Variants in COL9A2 observed in about 807,000 individuals in gnomAD.
COL9A2 encodes the protein collagen type IX alpha 2 chain.
A neutral mutation model predicts 111.6 loss-of-function variants in COL9A2; 66 were observed. The observed-to-expected ratio is 0.59, with a 90% CI of 0.48 to 0.73. The LOEUF (loss-of-function observed/expected upper bound fraction) is 0.73. COL9A2 is among the 30% of genes least tolerant of loss of function. The pLI is 0.00. For synonymous variants in COL9A2, 353 were observed against 364.1 expected (o/e 0.97, Z 0.35); for missense variants, 881 against 954.1 (o/e 0.92, Z 1.01).
Position 40,301,378 on chromosome 1 carries a change from A to G in COL9A2, c.1874T>C (p.Leu625Pro). 6.2e-7 allele frequency: 1 copy of G among 1,607,816 alleles called. No homozygotes were observed. The highest frequency in any genetic ancestry group is 8.5e-7 in the Non-Finnish European group (1 of 1,176,250). ...GMPGPPGIPG[L>P]PGRPGQAING... ...GATTGCCTGGCCAGGCCGGCCAGGG[A>G]GTCCTGTGAACAGGAGAAAGTCAAG... Residue 625 changes from leucine to proline, a missense_variant, in exon 32 of 32, where the codon CTC (leucine) becomes CCC (proline). Transcript: ENST00000372748.
rs1225804636 is a variant in COL9A2, at chr1:40,301,287, T to C, written c.1965A>G (p.Pro655=). The change falls in exon 32 of 32, where the codon CCA becomes CCG. Residue 655 remains proline, a synonymous_variant. Transcript: ENST00000372748. ...AGAAGCCCGGCAGCCCCACGGGGCC[T>C]GGCAGGCCAGGTCGACCTGCCTCTC... The part of the protein sequence containing the change: ...APGEAGRPGL[P]GPVGLPGFCE... 3 of 1,613,322 alleles carry C rather than the reference T, an allele frequency of 1.9e-6. No individual in the cohort carries two copies. Among genetic ancestry groups the C allele is most frequent in the East Asian group, 4.5e-5 (2 of 44,860 alleles).
In COL9A2 at chr1:40,311,862, A is replaced by G; in HGVS notation, c.418-147T>C. 9.6e-7 allele frequency: 1 copy of G among 1,046,028 alleles called. No homozygotes were observed. Among genetic ancestry groups the G allele is most frequent in the Non-Finnish European group, 1.5e-6 (1 of 681,238 alleles). 64.8% of individuals were successfully genotyped at this position (1,046,028 alleles called of 1,614,324 possible). A position where few individuals can be genotyped will look rare whatever the true frequency, so the allele number is the denominator to read the frequency against. On this transcript the variant is annotated intron_variant, in intron 8 of 31. Transcript: ENST00000372748. This position sits in a 1 kb window ranked among gnomAD's most constrained non-coding sequence, Gnocchi z 5.1. ...CACCATCTTGGGAGATGAAGGCCTG[A>G]TTGACAGGGGATGGGGCCAGCGGCG...
chr1:40,306,532 C>T (rs1392323717), intron 19 of COL9A2, among the ~76,000 whole-genome samples: 3 of 152,232 alleles, frequency 2.0e-5, no homozygotes, highest in African/African-American at 7.2e-5. Context: ...GGAGGGCAGG[C>T]TCCCATGGAC....
At chr1:40,304,176 C>G in intron 24 of COL9A2, 77 bp from the exon 25 acceptor site, 1 of 1,516,152 alleles carries the variant, frequency 6.6e-7, no homozygotes, top group Non-Finnish European at 8.8e-7. Flanking sequence ...CGGCCACACC[C>G]CTCTTTCCAA....
chr1:40,301,104 G>T lies in COL9A2; in HGVS notation c.*78C>A. ...TGGGGGAGATGGTTTCCTGGACTGGGGATGGGTGCATGTCCACCCAGAGGG... is the reference window on the plus strand; with the variant it reads ...TGGGGGAGATGGTTTCCTGGACTGGTGATGGGTGCATGTCCACCCAGAGGG... On this transcript the variant is annotated 3_prime_UTR_variant, in exon 32 of 32. Coordinates refer to ENST00000372748, the MANE Select transcript of COL9A2 (RefSeq NM_001852.4). 6.9e-7 allele frequency: 1 copy of T among 1,446,846 alleles called. No individual in the cohort carries two copies. The allele number at this position is 1,446,846 out of a possible 1,614,324, so 89.6% of individuals were successfully genotyped here.
At chr1:40,304,764 C>G (rs569866298) in intron 22 of COL9A2, 30 bp downstream of exon 22, 22 of 1,537,802 alleles carry the variant, frequency 1.4e-5, no homozygotes, top group Middle Eastern at 3.5e-4. Context: ...CAGAGGCCCC[C>G]GGGGAGGGGC....
Position 40,303,317 on chromosome 1 carries a change from A to G in COL9A2, c.1549-132T>C. 1 of 1,163,014 alleles carries G rather than the reference A, an allele frequency of 8.6e-7. No homozygotes were observed. The allele number at this position is 1,163,014 out of a possible 1,614,324, so 72.0% of individuals were successfully genotyped here. On this transcript the variant is annotated intron_variant, in intron 28 of 31. Coordinates refer to ENST00000372748, the MANE Select transcript of COL9A2 (RefSeq NM_001852.4). The surrounding 1 kb of genome is among the most constrained non-coding windows in gnomAD (Gnocchi z 4.6). ...GTCATTAATTCCCAAGCTGAGGAACAGATTGTACCTGGGCAGGGCCAAGGG... is the reference window on the plus strand; with the variant it reads ...GTCATTAATTCCCAAGCTGAGGAACGGATTGTACCTGGGCAGGGCCAAGGG...
chr1:40,303,199 C>G lies in COL9A2; in HGVS notation c.1549-14G>C. The G allele has an allele frequency of 3.1e-6, 5 of 1,607,984 alleles. No homozygotes were observed. Among genetic ancestry groups the G allele is most frequent in the Non-Finnish European group, 4.2e-6 (5 of 1,176,940 alleles). Reference sequence around the variant, plus strand: ...GGCATCCCGGCCCTGAAAGCAGAGGCCTTTCAGGAAGAAGCCCCTGGCTAC... The same window carrying G: ...GGCATCCCGGCCCTGAAAGCAGAGGGCTTTCAGGAAGAAGCCCCTGGCTAC... On this transcript the variant is annotated splice_polypyrimidine_tract_variant and intron_variant, in intron 28 of 31. Transcript: ENST00000372748. This position sits in a 1 kb window ranked among gnomAD's most constrained non-coding sequence, Gnocchi z 4.6.
chr1:40,312,701 C>T lies in COL9A2; in HGVS notation c.303+30G>A. 6.4e-7 allele frequency: 1 copy of T among 1,571,632 alleles called. No homozygotes were observed. Among genetic ancestry groups the T allele is most frequent in the South Asian group, 1.2e-5 (1 of 86,436 alleles). ...ACTCCCAAACGCTGGCCCTAGATTG[C>T]CCACGCTGAGGCCCCAGCAGGCCCC... is the stretch of plus-strand genomic sequence containing the variant. On this transcript the variant is annotated intron_variant, in intron 5 of 31. Transcript: ENST00000372748. This position sits in a 1 kb window ranked among gnomAD's most constrained non-coding sequence, Gnocchi z 6.0.
Position 40,316,592 on chromosome 1 carries a change from C to G in COL9A2, c.75+531G>C. 8 of 454,840 alleles carry G rather than the reference C, an allele frequency of 1.8e-5. No homozygotes were observed. The highest frequency in any genetic ancestry group is 1.2e-4 in the South Asian group (8 of 64,498). The allele number at this position is 454,840 out of a possible 1,614,324, so 28.2% of individuals were successfully genotyped here. A position where few individuals can be genotyped will look rare whatever the true frequency, so the allele number is the denominator to read the frequency against. On this transcript the variant is annotated intron_variant, in intron 1 of 31. Transcript: ENST00000372748. The surrounding 1 kb of genome is among the most constrained non-coding windows in gnomAD (Gnocchi z 5.5). ...CAGGCCGCGAAGTGCCAGGCTGGCG[C>G]CCCGCAGGCGAGCTCGAAACCACAC...
chr1:40,309,631 GACAC>G (rs990289912), intron 16 of COL9A2, among the ~76,000 whole-genome samples: 2 of 151,578 alleles, frequency 1.3e-5, no homozygotes, highest in African/African-American at 4.8e-5. Context: ...CACTTGGGCA[GACAC>G]ACACACACTC....
rs555646383 is a variant in COL9A2 at position 40,307,001 on chromosome 1, C to T, written c.1008+445G>A. Among the ~76,000 whole-genome samples the T allele has an allele frequency of 2.1e-3, 318 of 152,158 alleles. 2 individuals are homozygous for T. The highest frequency in any genetic ancestry group is 7.3e-3 in the African/African-American group (303 of 41,518). On this transcript the variant is annotated intron_variant, in intron 19 of 31. Coordinates refer to ENST00000372748, the MANE Select transcript of COL9A2 (RefSeq NM_001852.4). The surrounding 1 kb of genome is among the most constrained non-coding windows in gnomAD (Gnocchi z 4.8). The stretch of plus-strand genomic sequence containing the variant: ...CTGAGATTACAGGCATGAGCCGCCA[C>T]GCCCAGCTAATTTTTGTATTTTTAG...
At position 40,310,793 on chromosome 1, in the gene COL9A2, A is replaced by ACAGG. The variant is rs1462399986; in HGVS notation, c.631-30_631-27dup. ...CTAAAGGGCAGGGATGAGCTGTCAG[A>ACAGG]CAGGCAGGCAGATGGAAAGACACAT... On this transcript the variant is annotated intron_variant, in intron 12 of 31. Coordinates refer to ENST00000372748, the MANE Select transcript of COL9A2 (RefSeq NM_001852.4). The surrounding 1 kb of genome is among the most constrained non-coding windows in gnomAD (Gnocchi z 4.9). The ACAGG allele has an allele frequency of 1.3e-6, 2 of 1,549,434 alleles. No individual in the cohort carries two copies. Among genetic ancestry groups the ACAGG allele is most frequent in the East Asian group, 4.9e-5 (2 of 41,120 alleles).
rs1159004028 is a variant in COL9A2 at position 40,304,525 on chromosome 1, T to C, written c.1166A>G (p.Asp389Gly). 6.2e-7 allele frequency: 1 copy of C among 1,614,142 alleles called. No individual in the cohort carries two copies. The highest frequency in any genetic ancestry group is 8.5e-7 in the Non-Finnish European group (1 of 1,180,024). ...CCCCACTGGACCCCTCTCGCCTTGG[T>C]CACCCTGAAATGGAAAGAGAAGGTC... ...GPQGIMGQKG[D>G]QGERGPVGQP... The change falls in exon 23 of 32, where the codon GAC (aspartate) becomes GGC (glycine). Residue 389 changes from aspartate (D) to glycine (G), a missense_variant. Asp to Gly is a moderately conservative substitution (Grantham distance 94). Coordinates refer to ENST00000372748, the MANE Select transcript of COL9A2 (RefSeq NM_001852.4).
intron 21 of COL9A2, 194 bp from the exon 22 acceptor site, chr1:40,305,041 A>C: frequency 1.9e-5 from 8 of 427,070 alleles, no homozygotes; most frequent in South Asian, 4.2e-5. Flanking sequence ...ATTACTTATC[A>C]TGTGATCATT....
At chr1:40,308,096 G>A (rs1644058838) in intron 17 of COL9A2, 96 bp downstream of exon 17, 3 of 1,266,678 alleles carry the variant, frequency 2.4e-6, no homozygotes, top group Non-Finnish European at 3.5e-6. Flanking sequence ...CAGTTGCAGA[G>A]TTCAGACTAG....
In COL9A2 at chr1:40,310,836, TACC is replaced by T; in HGVS notation, c.631-72_631-70del. ...AGACACATATACAGACAAGCAAAGATACCACCTCTTTTCCCCAGCACAAGCAGA... is the reference window on the plus strand; with the variant it reads ...AGACACATATACAGACAAGCAAAGATACCTCTTTTCCCCAGCACAAGCAGA... On this transcript the variant is annotated intron_variant, in intron 12 of 31. Transcript: ENST00000372748. The surrounding 1 kb of genome is among the most constrained non-coding windows in gnomAD (Gnocchi z 4.9). 7.6e-7 allele frequency: 1 copy of T among 1,316,984 alleles called. No homozygotes were observed. The highest frequency in any genetic ancestry group is 1.1e-6 in the Non-Finnish European group (1 of 934,352). 81.6% of individuals were successfully genotyped at this position (1,316,984 alleles called of 1,614,324 possible).
chr1:40,307,871 C>A lies in COL9A2; in HGVS notation c.901-115G>T. Reference sequence around the variant, plus strand: ...TGTGCAGGGAGGGAGTGGCTCTGGTCATCCCAGGAAGCCCCACTGGCCAAC... The same window carrying A: ...TGTGCAGGGAGGGAGTGGCTCTGGTAATCCCAGGAAGCCCCACTGGCCAAC... On this transcript the variant is annotated intron_variant, in intron 17 of 31. Transcript: ENST00000372748. This position sits in a 1 kb window ranked among gnomAD's most constrained non-coding sequence, Gnocchi z 4.8. 1 of 1,192,246 alleles carries A rather than the reference C, an allele frequency of 8.4e-7. No individual in the cohort carries two copies. The highest frequency in any genetic ancestry group is 1.2e-6 in the Non-Finnish European group (1 of 816,778). 73.9% of individuals were successfully genotyped at this position (1,192,246 alleles called of 1,614,324 possible).
At chr1:40,304,708 A>T in intron 22 of COL9A2, 86 bp downstream of exon 22, 1 of 1,425,766 alleles carries the variant, frequency 7.0e-7, no homozygotes, top group Non-Finnish European at 9.6e-7. Context: ...GAGGCATCTC[A>T]CGGGCTGCAC....
Sources: gnomAD v4.1 joint callset for allele counts (sites outside exome capture counted in the v4.1 genomes callset) on GRCh38, gnomAD v4.1.1 for gene constraint, Gnocchi (gnomAD v3.1) non-coding constraint, MANE v1.5 for transcripts, NCBI Gene and HGNC (gene_info 2026-07-23, HGNC 2026-07-21) for gene names.